CNNM2: variants seen among roughly 807,000 people sequenced by gnomAD.
CNNM2 encodes cyclin and CBS domain divalent metal cation transport mediator 2.
CNNM2 carries 12 observed loss-of-function variants against 66.9 expected under a neutral mutation model. The observed-to-expected ratio is 0.18, with a 90% CI of 0.11 to 0.29. The LOEUF (loss-of-function observed/expected upper bound fraction) is 0.29. Ranked by LOEUF, CNNM2 falls within the 10% of genes least tolerant of loss-of-function variation. CNNM2 has a pLI of 1.00. For missense variants in CNNM2, 705 were observed against 1,167.7 expected (o/e 0.60, Z 5.77); for synonymous variants, 557 against 501.8 (o/e 1.11, Z -1.47).
chr10:103,020,098 T>C (rs1363924713), intron 1 of CNNM2, among the ~76,000 whole-genome samples: 2 of 152,144 alleles, frequency 1.3e-5, no homozygotes, highest in Non-Finnish European at 2.9e-5. Context: ...ATAAAATATT[T>C]CTATATTTTG....
intron 1 of CNNM2, among the ~76,000 whole-genome samples, chr10:102,959,977 G>A (rs371187324): frequency 2.0e-5 from 3 of 150,694 alleles, no homozygotes; most frequent in Admixed American, 6.6e-5. Context: ...GTGTGAACCC[G>A]GGAGGTGGAG....
chr10:103,022,847 G>A (rs1334158193), intron 1 of CNNM2, among the ~76,000 whole-genome samples: 1 of 152,150 alleles, frequency 6.6e-6, no homozygotes, highest in Non-Finnish European at 1.5e-5. Context: ...GGCAAAGGGG[G>A]AGCAGATGTA....
At chr10:103,022,418 G>A (rs1001979266) in intron 1 of CNNM2, among the ~76,000 whole-genome samples, 1 of 152,154 alleles carries the variant, frequency 6.6e-6, no homozygotes, top group Non-Finnish European at 1.5e-5. Context: ...TTATAGACAA[G>A]GTGTCCCCCT....
chr10:103,032,502 A>C (rs2064846924), intron 1 of CNNM2, among the ~76,000 whole-genome samples: 1 of 152,222 alleles, frequency 6.6e-6, no homozygotes, highest in South Asian at 2.1e-4. Context: ...ACAGTACTGC[A>C]AATTTCATCC....
At chr10:102,930,315 G>A (rs929144907) in intron 1 of CNNM2, among the ~76,000 whole-genome samples, 5 of 152,120 alleles carry the variant, frequency 3.3e-5, no homozygotes, top group Non-Finnish European at 7.4e-5. Flanking sequence ...AGGTAACGTG[G>A]AAAAAATGAA....
At chr10:102,966,862 G>T (rs1278981055) in intron 1 of CNNM2, among the ~76,000 whole-genome samples, 1 of 152,150 alleles carries the variant, frequency 6.6e-6, no homozygotes, top group Admixed American at 6.5e-5. Context: ...CTCCTTGGGA[G>T]TGAGGTGGGA....
intron 1 of CNNM2, among the ~76,000 whole-genome samples, chr10:103,044,886 C>T (rs2065102645): frequency 6.6e-6 from 1 of 152,208 alleles, no homozygotes; most frequent in Non-Finnish European, 1.5e-5. Flanking sequence ...TAGAGTAAGG[C>T]CCTTTCCAGC....
chr10:102,977,759 T>C (rs1159644888), intron 1 of CNNM2, among the ~76,000 whole-genome samples: 3 of 152,110 alleles, frequency 2.0e-5, no homozygotes, highest in African/African-American at 7.2e-5. Context: ...AGGCGGAGGT[T>C]GCAGTAAGCC....
At chr10:103,074,972 T>A (rs2065663975) in intron 6 of CNNM2, among the ~76,000 whole-genome samples, 1 of 152,180 alleles carries the variant, frequency 6.6e-6, no homozygotes, top group Admixed American at 6.5e-5. Flanking sequence ...GAGAAGAGAC[T>A]TAAGGAGACC....
At chr10:103,011,964 T>A (rs1433313967) in intron 1 of CNNM2, among the ~76,000 whole-genome samples, 1 of 152,146 alleles carries the variant, frequency 6.6e-6, no homozygotes, top group Non-Finnish European at 1.5e-5. Flanking sequence ...GTGCTGAGAT[T>A]ACAAGTGTGA....
At chr10:103,070,014 C>T (rs2065548570) in intron 5 of CNNM2, among the ~76,000 whole-genome samples, 1 of 152,190 alleles carries the variant, frequency 6.6e-6, no homozygotes, top group Admixed American at 6.5e-5. Flanking sequence ...TAGAAAGTCA[C>T]TGAGACGTCA....
rs370852250 is a variant in CNNM2, at chr10:102,989,359, T to G, written c.1622-60348T>G. Among the ~76,000 whole-genome samples the G allele has an allele frequency of 1.4e-3, 213 of 152,234 alleles. 1 individual carries two copies. The highest frequency in any genetic ancestry group is 4.6e-3 in the African/African-American group (192 of 41,500). On this transcript the variant is annotated intron_variant, in intron 1 of 7. Transcript: ENST00000369878. ...TCTAAAGACTTAGCTGGGGTCGTCT[T>G]TATTTTATTTTTTTCATTCTTCTTT...
intron 1 of CNNM2, among the ~76,000 whole-genome samples, chr10:103,034,364 A>G (rs1189270619): frequency 6.7e-6 from 1 of 148,760 alleles, no homozygotes; most frequent in East Asian, 2.0e-4. Context: ...AAAAACCATT[A>G]CTTTCCCCTT....
chr10:103,025,810 T>C (rs1187220842), intron 1 of CNNM2, among the ~76,000 whole-genome samples: 1 of 152,232 alleles, frequency 6.6e-6, no homozygotes, highest in Non-Finnish European at 1.5e-5. Flanking sequence ...ACAGCAGGGA[T>C]TTTTTTGTTT....
At position 103,084,332 on chromosome 10, in the gene CNNM2, G is replaced by C. The variant is rs1228768710; in HGVS notation, c.*7152G>C. Reference sequence around the variant, plus strand: ...TCAGGGAAGAACTGCTGACAGAATTGGCTTTCAGACACTGCCTGACCTAAC... The same window carrying C: ...TCAGGGAAGAACTGCTGACAGAATTCGCTTTCAGACACTGCCTGACCTAAC... On this transcript the variant is annotated 3_prime_UTR_variant, in exon 8 of 8. Transcript: ENST00000369878. 6.6e-6 allele frequency: 1 copy of C among 152,110 alleles called. No homozygotes were observed. The highest frequency in any genetic ancestry group is 1.5e-5 in the Non-Finnish European group (1 of 68,040). The allele number at this position is 152,110 out of a possible 1,614,324, so 9.4% of individuals were successfully genotyped here. A position where few individuals can be genotyped will look rare whatever the true frequency, so the allele number is the denominator to read the frequency against.
At chr10:102,975,118 G>A (rs1223294265) in intron 1 of CNNM2, among the ~76,000 whole-genome samples, 2 of 152,150 alleles carry the variant, frequency 1.3e-5, no homozygotes, top group Non-Finnish European at 2.9e-5. Flanking sequence ...TGCAGTGAGA[G>A]CTGTTTAATG....
At chr10:103,056,087 C>CAA (rs34015679) in intron 3 of CNNM2, among the ~76,000 whole-genome samples, 26 of 119,822 alleles carry the variant, frequency 2.2e-4, no homozygotes, top group Middle Eastern at 4.5e-3. Context: ...GACTCCTTCT[C>CAA]AAAAAAAAAA....
chr10:102,968,078 ATACT>A (rs1453453364), intron 1 of CNNM2, among the ~76,000 whole-genome samples: 3 of 151,980 alleles, frequency 2.0e-5, no homozygotes, highest in African/African-American at 7.3e-5. Flanking sequence ...TCTTGTGGAG[ATACT>A]TAAGAGTGAA....
At chr10:103,069,988 C>T (rs549299716) in intron 5 of CNNM2, among the ~76,000 whole-genome samples, 2 of 152,308 alleles carry the variant, frequency 1.3e-5, no homozygotes, top group South Asian at 4.1e-4. Flanking sequence ...TCTGAGGAAC[C>T]CAAAGATGTT....
Sources: gnomAD v4.1 joint callset for allele counts (sites outside exome capture counted in the v4.1 genomes callset) on GRCh38, gnomAD v4.1.1 for gene constraint, MANE v1.5 for transcripts, NCBI Gene and HGNC (gene_info 2026-07-23, HGNC 2026-07-21) for gene names.